GNPNAT1: variants seen among roughly 807,000 people sequenced by gnomAD.
The protein encoded by GNPNAT1 is glucosamine-phosphate N-acetyltransferase 1.
A neutral mutation model predicts 19.8 loss-of-function variants in GNPNAT1; 11 were observed. The ratio of observed to expected loss-of-function variants is 0.56; its 90% CI spans 0.35 to 0.92. GNPNAT1 has a LOEUF of 0.92. Among genes scored for constraint, GNPNAT1 ranks in the 40% least tolerant of loss-of-function variants. The pLI is 0.01. For missense variants in GNPNAT1, 157 were observed against 211.0 expected (o/e 0.74, Z 1.59); for synonymous variants, 71 against 72.3 (o/e 0.98, Z 0.09).
intron 1 of GNPNAT1, among the ~76,000 whole-genome samples, chr14:52,789,945 A>G (rs909199480): frequency 6.6e-6 from 1 of 151,282 alleles, no homozygotes; most frequent in Non-Finnish European, 1.5e-5. Flanking sequence ...AATAACGAAT[A>G]AGACTTACCT....
rs141372982 is a variant in GNPNAT1, at chr14:52,787,432, T to C, written c.-14-2768A>G. 5.3e-4 allele frequency among the ~76,000 whole-genome samples: 80 copies of C among 152,250 alleles called. 7 individuals carry two copies. The East Asian group carries it at 0.015, about 28-fold the overall frequency. ...TCAGCACTTCTTATGTGCCAGACTG[T>C]TGAAAGAGCTTTACTAATTCATTTA... On this transcript the variant is annotated intron_variant, in intron 1 of 5. Transcript: ENST00000216410.
At chr14:52,783,181 T>G (rs1348638258) in intron 3 of GNPNAT1, among the ~76,000 whole-genome samples, 2 of 152,084 alleles carry the variant, frequency 1.3e-5, no homozygotes, top group East Asian at 3.8e-4. Context: ...AGCTAACACC[T>G]AGGTCCTATG....
At position 52,777,108 on chromosome 14, in the gene GNPNAT1, G is replaced by C. The variant is rs575598639; in HGVS notation, c.*1203C>G. ...GGAAATCCAAAATCCAGATGACGTGGTGTGAGTCAATGGGATGAGAAACAC... is the reference window on the plus strand; with the variant it reads ...GGAAATCCAAAATCCAGATGACGTGCTGTGAGTCAATGGGATGAGAAACAC... On this transcript the variant is annotated 3_prime_UTR_variant, in exon 6 of 6. Coordinates refer to ENST00000216410, the MANE Select transcript of GNPNAT1 (RefSeq NM_198066.4). The C allele has an allele frequency of 1.3e-5, 2 of 152,270 alleles. No homozygotes were observed. Among genetic ancestry groups the C allele is most frequent in the Non-Finnish European group, 2.9e-5 (2 of 68,036 alleles). The allele number at this position is 152,270 out of a possible 1,614,324, so 9.4% of individuals were successfully genotyped here. A position where few individuals can be genotyped will look rare whatever the true frequency, so the allele number is the denominator to read the frequency against.
At chr14:52,785,894 C>G (rs952919819) in intron 1 of GNPNAT1, among the ~76,000 whole-genome samples, 1 of 150,524 alleles carries the variant, frequency 6.6e-6, no homozygotes, top group Admixed American at 6.6e-5. Flanking sequence ...ATTACAGGCA[C>G]CTGCCACCAC....
intron 1 of GNPNAT1, among the ~76,000 whole-genome samples, chr14:52,787,674 G>A (rs1883053923): frequency 6.6e-6 from 1 of 152,112 alleles, no homozygotes; most frequent in African/African-American, 2.4e-5. Flanking sequence ...TTCCTCATTT[G>A]TAAAATGGAG....
chr14:52,790,025 A>G (rs936499803), intron 1 of GNPNAT1, among the ~76,000 whole-genome samples: 1 of 151,748 alleles, frequency 6.6e-6, no homozygotes, highest in Non-Finnish European at 1.5e-5. Context: ...AAACTGCCAC[A>G]ATATCGCGGA....
chr14:52,780,218 A>G (rs1048161117), intron 5 of GNPNAT1, among the ~76,000 whole-genome samples: 1 of 152,212 alleles, frequency 6.6e-6, no homozygotes, highest in Non-Finnish European at 1.5e-5. Flanking sequence ...GTTCTTATAA[A>G]ATGGCAATAA....
At chr14:52,790,426 G>A (rs186737431) in intron 1 of GNPNAT1, among the ~76,000 whole-genome samples, 121 of 152,250 alleles carry the variant, frequency 7.9e-4, no homozygotes, top group African/African-American at 2.6e-3. Flanking sequence ...TTCCGTTAAA[G>A]ATTTTTAACA....
intron 3 of GNPNAT1, among the ~76,000 whole-genome samples, 198 bp from the exon 4 acceptor site, chr14:52,782,109 A>G (rs967222625): frequency 2.6e-5 from 4 of 152,140 alleles, no homozygotes; most frequent in African/African-American, 9.6e-5. Flanking sequence ...TATAACCTAC[A>G]CATTCAAAAT....
In GNPNAT1 at chr14:52,777,497, G is replaced by A. The variant is rs1253786643; in HGVS notation, c.*814C>T. The A allele has an allele frequency of 5.3e-5, 8 of 151,944 alleles. No homozygotes were observed. The highest frequency in any genetic ancestry group is 1.9e-4 in the African/African-American group (8 of 41,340). The allele number at this position is 151,944 out of a possible 1,614,324, so 9.4% of individuals were successfully genotyped here. ...GATACTCCATTTTTGAAAAAACTTA[G>A]AGGCTTCAGATACCCATGAAAAGAA... On this transcript the variant is annotated 3_prime_UTR_variant, in exon 6 of 6. Transcript: ENST00000216410.
chr14:52,786,777 G>C (rs995762677), intron 1 of GNPNAT1, among the ~76,000 whole-genome samples: 1 of 147,952 alleles, frequency 6.8e-6, no homozygotes, highest in Non-Finnish European at 1.5e-5. Context: ...ATTGCTAAAA[G>C]AAACAGATGC....
At position 52,785,396 on chromosome 14, in the gene GNPNAT1, A is replaced by T. The variant is rs181855034; in HGVS notation, c.-14-732T>A. On this transcript the variant is annotated intron_variant, in intron 1 of 5. Transcript: ENST00000216410. ...TTGCAAGGGGAAAAAAATTTTTTTT[A>T]AAAAAGTAATCTCTTAGTCTTACTT... 3.0e-3 allele frequency among the ~76,000 whole-genome samples: 450 copies of T among 152,098 alleles called. 3 individuals are homozygous for T. The highest frequency in any genetic ancestry group is 5.3e-3 in the African/African-American group (220 of 41,504).
At chr14:52,785,738 C>A (rs1372375497) in intron 1 of GNPNAT1, among the ~76,000 whole-genome samples, 1 of 149,058 alleles carries the variant, frequency 6.7e-6, no homozygotes, top group Non-Finnish European at 1.5e-5. Context: ...AAAAAACTTA[C>A]TGGGCATGTA....
At chr14:52,781,637 T>G in intron 4 of GNPNAT1, 147 bp downstream of exon 4, 1 of 687,000 alleles carries the variant, frequency 1.5e-6, no homozygotes. Flanking sequence ...GTTATACATT[T>G]TCTTTCTTAA....
rs943523077 is a variant in GNPNAT1 at position 52,775,980 on chromosome 14, A to G, written c.*2331T>C. 6.6e-6 allele frequency: 1 copy of G among 152,204 alleles called. No individual in the cohort carries two copies. The highest frequency in any genetic ancestry group is 1.5e-5 in the Non-Finnish European group (1 of 68,234). 9.4% of individuals were successfully genotyped at this position (152,204 alleles called of 1,614,324 possible). A position where few individuals can be genotyped will look rare whatever the true frequency, so the allele number is the denominator to read the frequency against. The stretch of plus-strand genomic sequence containing the variant: ...ATCACTTGAGCCTAGGAGTTAAGAG[A>G]CCAGCCTGGGCAACATAGACTCCAC... On this transcript the variant is annotated 3_prime_UTR_variant, in exon 6 of 6. Transcript: ENST00000216410.
intron 4 of GNPNAT1, among the ~76,000 whole-genome samples, chr14:52,781,011 A>G (rs1016651125): frequency 6.6e-6 from 1 of 152,146 alleles, no homozygotes; most frequent in African/African-American, 2.4e-5. Context: ...TGATTAGCCC[A>G]AAAGTTTGTT....
At chr14:52,783,400 G>T in intron 3 of GNPNAT1, 23 bp downstream of exon 3, 1 of 1,516,150 alleles carries the variant, frequency 6.6e-7, no homozygotes, top group Non-Finnish European at 9.1e-7. Flanking sequence ...TTTATTTCAG[G>T]AAAAAGAGGT....
intron 4 of GNPNAT1, among the ~76,000 whole-genome samples, chr14:52,781,297 C>T (rs943031136): frequency 2.1e-4 from 32 of 152,192 alleles, no homozygotes; most frequent in Non-Finnish European, 4.1e-4. Context: ...CACCGAAATT[C>T]CTAAGTGTGA....
chr14:52,778,061 G>T lies in GNPNAT1; in HGVS notation c.*250C>A, dbSNP rs1359106427. 1.2e-5 allele frequency: 3 copies of T among 252,658 alleles called. No homozygotes were observed. The highest frequency in any genetic ancestry group is 4.5e-5 in the African/African-American group (2 of 44,874). 15.7% of individuals were successfully genotyped at this position (252,658 alleles called of 1,614,324 possible). A position where few individuals can be genotyped will look rare whatever the true frequency, so the allele number is the denominator to read the frequency against. On this transcript the variant is annotated 3_prime_UTR_variant, in exon 6 of 6. Transcript: ENST00000216410. ...TTTAGAAAAATACAATGCAAGAAAA[G>T]ATTCAAGTTAAAAATATATTCCTTT...
Sources: allele counts gnomAD v4.1 joint callset (sites outside exome capture counted in the v4.1 genomes callset), GRCh38; gene constraint gnomAD v4.1.1; transcripts MANE v1.5; gene names NCBI Gene and HGNC (gene_info 2026-07-23, HGNC 2026-07-21).